Variants in CFAP52 observed in about 807,000 individuals in gnomAD.
CFAP52 encodes the protein cilia and flagella associated protein 52, also known as cilia- and flagella-associated protein 52.
A neutral mutation model predicts 70.5 loss-of-function variants in CFAP52; 57 were observed. That is an observed-to-expected ratio of 0.81 (90% confidence interval 0.65 to 1.01). The LOEUF (loss-of-function observed/expected upper bound fraction) is 1.01, where lower values mean the gene tolerates loss of function less well. CFAP52 is among the 50% of genes least tolerant of loss of function. The probability of loss-of-function intolerance (pLI) is 0.00; values close to 1 mark genes in which losing one functional copy is unlikely to be tolerated. For missense variants in CFAP52, 785 were observed against 788.5 expected, an observed-to-expected ratio of 1.00 and a Z score of 0.05; for synonymous variants, 267 against 292.5, an observed-to-expected ratio of 0.91 and a Z score of 0.89.
chr17:9,589,801 C>CG (rs373515583), intron 3 of CFAP52: 1 of 93,186 alleles, frequency 1.1e-5, no homozygotes, highest in Admixed American at 1.7e-4. Flanking sequence ...CTTAGCTCAA[C>CG]TTTTTTTTTT....
intron 10 of CFAP52, 47 bp downstream of exon 10, chr17:9,633,080 C>T (rs1910627193): frequency 6.3e-7 from 1 of 1,588,480 alleles, no homozygotes; most frequent in African/African-American, 1.3e-5. Context: ...TTTAGAACAA[C>T]TGCCCTATAG....
chr17:9,585,439 T>A (rs544097440), intron 1 of CFAP52, among the ~76,000 whole-genome samples: 2 of 152,008 alleles, frequency 1.3e-5, no homozygotes, highest in Non-Finnish European at 2.9e-5. Flanking sequence ...GAGGCTAAGG[T>A]GGACGGATCA....
At chr17:9,596,241 A>C (rs1909015796) in intron 4 of CFAP52, among the ~76,000 whole-genome samples, 1 of 151,452 alleles carries the variant, frequency 6.6e-6, no homozygotes, top group Admixed American at 6.6e-5. Context: ...CTGGGATTAC[A>C]GGTGCATGCT....
At chr17:9,638,871 A>T (rs1212902494) in intron 12 of CFAP52, 160 bp downstream of exon 12, 1 of 645,612 alleles carries the variant, frequency 1.5e-6, no homozygotes, top group Non-Finnish European at 2.7e-6. Context: ...ATCACCTTCC[A>T]GTGTCTTCAC....
intron 1 of CFAP52, among the ~76,000 whole-genome samples, chr17:9,585,539 C>A (rs935747882): frequency 6.6e-6 from 1 of 151,982 alleles, no homozygotes; most frequent in Non-Finnish European, 1.5e-5. Context: ...GGTGTGGTGG[C>A]GGGTGCCTGT....
intron 6 of CFAP52, among the ~76,000 whole-genome samples, chr17:9,604,254 T>A (rs1011317911): frequency 1.3e-5 from 2 of 152,048 alleles, no homozygotes; most frequent in African/African-American, 4.8e-5. Context: ...ATAATACCCA[T>A]GAAAGAAAGA....
At chr17:9,607,419 G>A (rs1273931311) in intron 6 of CFAP52, among the ~76,000 whole-genome samples, 1 of 152,204 alleles carries the variant, frequency 6.6e-6, no homozygotes, top group Non-Finnish European at 1.5e-5. Context: ...GAACTTCACA[G>A]TGGATACTAT....
chr17:9,630,476 C>T (rs1344735916), intron 9 of CFAP52, among the ~76,000 whole-genome samples: 1 of 145,948 alleles, frequency 6.9e-6, no homozygotes, highest in African/African-American at 2.6e-5. Context: ...GTCTCCCAGG[C>T]TGGAGTGCGG....
intron 1 of CFAP52, among the ~76,000 whole-genome samples, chr17:9,583,321 C>A (rs59127471): frequency 6.6e-6 from 1 of 151,844 alleles, no homozygotes; most frequent in Non-Finnish European, 1.5e-5. Flanking sequence ...GCCATTTGAG[C>A]AAAAATAATC....
intron 3 of CFAP52, among the ~76,000 whole-genome samples, chr17:9,592,599 A>G (rs1483008119): frequency 1.3e-5 from 2 of 152,254 alleles, no homozygotes; most frequent in Non-Finnish European, 2.9e-5. Flanking sequence ...AACATTTCTC[A>G]TAAGTAGAAT....
rs1019836835 is a variant in CFAP52, at chr17:9,612,492, G to C, written c.1025+13G>C. ...TTGTCTTTCCATTGTGAGTAGAAGA[G>C]AAAAACAAGAATGTGGAGATTTGAT... On this transcript the variant is annotated intron_variant, in intron 8 of 13. Transcript: ENST00000352665. 6.2e-7 allele frequency: 1 copy of C among 1,607,362 alleles called. No homozygotes were observed.
intron 8 of CFAP52, among the ~76,000 whole-genome samples, chr17:9,627,275 C>G (rs572130881): frequency 6.6e-6 from 1 of 151,988 alleles, no homozygotes; most frequent in African/African-American, 2.4e-5. Context: ...TTTGGGAGGC[C>G]GATGTGGGTG....
chr17:9,631,050 G>GAGAGAAAGAAAGAAAGAAAGAA (rs1567634927), intron 9 of CFAP52, among the ~76,000 whole-genome samples: 7 of 99,046 alleles, frequency 7.1e-5, no homozygotes, highest in African/African-American at 2.7e-4. Flanking sequence ...GAGAGAGAGA[G>GAGAGAAAGAAAGAAAGAAAGAA]AGAGAAAGAA....
At chr17:9,623,220 A>G (rs1265018350) in intron 8 of CFAP52, among the ~76,000 whole-genome samples, 2 of 152,116 alleles carry the variant, frequency 1.3e-5, no homozygotes, top group Non-Finnish European at 2.9e-5. Context: ...TTTGATTTGA[A>G]GTAACTTTGT....
At chr17:9,636,389 CG>C (rs917595165) in intron 11 of CFAP52, among the ~76,000 whole-genome samples, 1 of 152,074 alleles carries the variant, frequency 6.6e-6, no homozygotes, top group Non-Finnish European at 1.5e-5. Context: ...GCTGCATTCC[CG>C]GGGACCTCTT....
chr17:9,585,465 A>T (rs34343666), intron 1 of CFAP52, among the ~76,000 whole-genome samples: 1 of 152,058 alleles, frequency 6.6e-6, no homozygotes, highest in Non-Finnish European at 1.5e-5. Context: ...TCAGCAGTTC[A>T]AGACCAGCCT....
At chr17:9,609,251 C>T (rs2151940818) in intron 7 of CFAP52, among the ~76,000 whole-genome samples, 1 of 151,748 alleles carries the variant, frequency 6.6e-6, no homozygotes, top group Admixed American at 6.6e-5. Flanking sequence ...AAAAAAAAAT[C>T]CCTGTCCTCA....
intron 6 of CFAP52, among the ~76,000 whole-genome samples, chr17:9,600,877 C>A (rs146156224): frequency 2.0e-5 from 3 of 152,234 alleles, no homozygotes; most frequent in African/African-American, 7.2e-5. Flanking sequence ...GTTCTCTATG[C>A]CCTCGTCTCT....
At chr17:9,639,019 T>G (rs1910935437) in intron 12 of CFAP52, 3 of 298,486 alleles carry the variant, frequency 1.0e-5, no homozygotes, top group Non-Finnish European at 1.3e-5. Context: ...ATTAGGGAAT[T>G]TCTGAGACTG....
Sources: allele counts gnomAD v4.1 joint callset (sites outside exome capture counted in the v4.1 genomes callset), GRCh38; gene constraint gnomAD v4.1.1; transcripts MANE v1.5; gene names NCBI Gene and HGNC (gene_info 2026-07-23, HGNC 2026-07-21).